Variants in HERC1 observed in about 807,000 individuals in gnomAD.
HERC1 encodes the protein probable E3 ubiquitin-protein ligase HERC1.
In HERC1, 160 loss-of-function variants were observed where a neutral mutation model predicts 554.3. The ratio of observed to expected loss-of-function variants is 0.29; its 90% CI spans 0.25 to 0.33. The LOEUF (loss-of-function observed/expected upper bound fraction) is 0.33, where lower values mean the gene tolerates loss of function less well. HERC1 is among the 10% of genes least tolerant of loss of function. The pLI, the probability that HERC1 is intolerant of heterozygous loss-of-function variation, is 1.00. For synonymous variants in HERC1, 2,175 were observed against 2,131.7 expected (o/e 1.02, Z -0.56); for missense variants, 4,919 against 5,918.5 (o/e 0.83, Z 5.54).
intron 67 of HERC1, among the ~76,000 whole-genome samples, chr15:63,633,630 T>C (rs568070735): frequency 2.6e-5 from 4 of 152,292 alleles, no homozygotes; most frequent in African/African-American, 9.6e-5. Flanking sequence ...CAGAAGCTTA[T>C]CCTTGCAGAA....
chr15:63,658,495 T>G (rs1288302750), intron 48 of HERC1, 49 bp downstream of exon 48: 1 of 1,510,150 alleles, frequency 6.6e-7, no homozygotes, highest in African/African-American at 1.4e-5. Flanking sequence ...TTCCAGCTAA[T>G]GTACACTAGA....
chr15:63,730,957 G>A (rs2074265474), intron 14 of HERC1, among the ~76,000 whole-genome samples: 1 of 152,132 alleles, frequency 6.6e-6, no homozygotes, highest in Non-Finnish European at 1.5e-5. Context: ...CAAAGAAAGT[G>A]ACTGCTACTA....
At chr15:63,629,634 G>A (rs2068459497) in intron 69 of HERC1, among the ~76,000 whole-genome samples, 1 of 152,136 alleles carries the variant, frequency 6.6e-6, no homozygotes, top group Non-Finnish European at 1.5e-5. Context: ...ACTCCCAAAG[G>A]TGCCTTCAAC....
intron 1 of HERC1, among the ~76,000 whole-genome samples, chr15:63,790,979 T>A (rs1172590281): frequency 6.6e-6 from 1 of 152,192 alleles, no homozygotes; most frequent in Admixed American, 6.5e-5. Context: ...TTTACGAACA[T>A]CATTTTAACA....
Position 63,612,175 on chromosome 15 carries a change from G to T in HERC1, c.14400+76C>A. The T allele has an allele frequency of 7.5e-7, 1 of 1,327,738 alleles. No homozygotes were observed. Among genetic ancestry groups the T allele is most frequent in the Non-Finnish European group, 1.0e-6 (1 of 969,400 alleles). The allele number at this position is 1,327,738 out of a possible 1,614,324, so 82.2% of individuals were successfully genotyped here. ...TGCACTCCAGCCTGGGCCACAGAGTGAGACCCTGTCTCAACAAAAACAACA... is the reference window on the plus strand; with the variant it reads ...TGCACTCCAGCCTGGGCCACAGAGTTAGACCCTGTCTCAACAAAAACAACA... On this transcript the variant is annotated intron_variant, in intron 77 of 77. Transcript: ENST00000443617. This position sits in a 1 kb window ranked among gnomAD's most constrained non-coding sequence, Gnocchi z 5.0.
rs774786065 is a variant in HERC1 at position 63,625,971 on chromosome 15, C to T, written c.13275+14G>A. On this transcript the variant is annotated intron_variant, in intron 71 of 77. Transcript: ENST00000443617. ...CCAGTCTGTGCCTGGCTGCTTACCA[C>T]GCCAGTCTGTTACCTGGTTGTTGGG... 60 of 1,599,530 alleles carry T rather than the reference C, an allele frequency of 3.8e-5. No homozygotes were observed. The highest frequency in any genetic ancestry group is 1.7e-4 in the Admixed American group (10 of 57,694).
chr15:63,727,644 T>C lies in HERC1; in HGVS notation c.3346+3A>G. 2 of 1,604,808 alleles carry C rather than the reference T, an allele frequency of 1.2e-6. No individual in the cohort carries two copies. The highest frequency in any genetic ancestry group is 1.3e-5 in the African/African-American group (1 of 74,846). ...TATTTGCTCTTTTATTGTCTTTACT[T>C]ACCATGAAGAGGCCACTGTAACTCC... is the stretch of plus-strand genomic sequence containing the variant. On this transcript the variant is annotated splice_donor_region_variant and intron_variant, in intron 17 of 77. Transcript: ENST00000443617. The surrounding 1 kb of genome is among the most constrained non-coding windows in gnomAD (Gnocchi z 4.3).
At chr15:63,614,249 T>C (rs1388596546) in intron 76 of HERC1, among the ~76,000 whole-genome samples, 1 of 152,162 alleles carries the variant, frequency 6.6e-6, no homozygotes, top group African/African-American at 2.4e-5. Context: ...CTGGACACCA[T>C]CTTAGAGCCT....
chr15:63,750,441 C>T (rs1267770214), intron 8 of HERC1, among the ~76,000 whole-genome samples: 1 of 152,134 alleles, frequency 6.6e-6, no homozygotes, highest in Non-Finnish European at 1.5e-5. Context: ...AGGTGACTGA[C>T]TGACAATTTG....
intron 55 of HERC1, among the ~76,000 whole-genome samples, chr15:63,646,045 A>T (rs1188807634): frequency 6.6e-6 from 1 of 152,208 alleles, no homozygotes; most frequent in African/African-American, 2.4e-5. Flanking sequence ...GAAGAGACTT[A>T]AAAAAATGCA....
intron 23 of HERC1, 26 bp from the exon 24 acceptor site, chr15:63,712,921 G>GT (rs1212727236): frequency 6.3e-7 from 1 of 1,591,240 alleles, no homozygotes; most frequent in African/African-American, 1.4e-5. Flanking sequence ...AAAAAAAAAA[G>GT]TTTTTTGATT....
chr15:63,774,154 C>A (rs2076042360), intron 2 of HERC1, among the ~76,000 whole-genome samples: 1 of 152,124 alleles, frequency 6.6e-6, no homozygotes, highest in Non-Finnish European at 1.5e-5. Context: ...GTCTACCAGT[C>A]TCTATTCCCT....
intron 1 of HERC1, among the ~76,000 whole-genome samples, chr15:63,807,128 T>A (rs933275863): frequency 6.6e-6 from 1 of 152,214 alleles, no homozygotes; most frequent in African/African-American, 2.4e-5. Context: ...CCCTACTTTA[T>A]AAATTTGCAA....
chr15:63,612,343 C>T lies in HERC1; in HGVS notation c.14308G>A (p.Val4770Met), dbSNP rs2067638146. The T allele has an allele frequency of 6.2e-7, 1 of 1,613,930 alleles. No individual in the cohort carries two copies. The change falls in exon 77 of 78, where the codon GTG (valine) becomes ATG (methionine). Residue 4770 changes from valine to methionine, a missense_variant. Transcript: ENST00000443617. This position sits in a 1 kb window ranked among gnomAD's most constrained non-coding sequence, Gnocchi z 5.0. ...CCTGACACAAACCTCATGAAAAGCA[C>T]CCGCTCCTCATTGGAGAACTCTTCC... ...TLEEFSNEER[V>M]LFMRFVSGRS...
rs769887868 is a variant in HERC1 at position 63,729,659 on chromosome 15, C to T, written c.2869-10G>A. 4.3e-6 allele frequency: 7 copies of T among 1,612,850 alleles called. No individual in the cohort carries two copies. The stretch of plus-strand genomic sequence containing the variant: ...CTCCAAATGCTTGATCCTAAAATGA[C>T]ACACAAAGGAAGTTTATATTTGAAG... On this transcript the variant is annotated splice_polypyrimidine_tract_variant and intron_variant, in intron 14 of 77. Coordinates refer to ENST00000443617, the MANE Select transcript of HERC1 (RefSeq NM_003922.4).
intron 1 of HERC1, among the ~76,000 whole-genome samples, chr15:63,797,984 T>C (rs2076862944): frequency 1.3e-5 from 2 of 152,176 alleles, no homozygotes. Context: ...TATCACTCCC[T>C]GGAAAAATTA....
intron 1 of HERC1, among the ~76,000 whole-genome samples, chr15:63,795,065 C>CAAAAAAAAA (rs1177647525): frequency 2.5e-4 from 17 of 68,912 alleles, no homozygotes; most frequent in Non-Finnish European, 3.1e-4. Context: ...GACTCTGTCT[C>CAAAAAAAAA]AAAAAAAAAA....
chr15:63,612,606 CCCA>C lies in HERC1; in HGVS notation c.14095-53_14095-51del, dbSNP rs1566937498. On this transcript the variant is annotated intron_variant, in intron 76 of 77. Transcript: ENST00000443617. The surrounding 1 kb of genome is among the most constrained non-coding windows in gnomAD (Gnocchi z 5.0). Reference sequence around the variant, plus strand: ...TCAATGAGTGTGCGTGAACCTGGCACCCACCAAGGGCCCTGTGGGGCTAGGCGC... The same window carrying C: ...TCAATGAGTGTGCGTGAACCTGGCACCCAAGGGCCCTGTGGGGCTAGGCGC... 2 of 1,563,548 alleles carry C rather than the reference CCCA, an allele frequency of 1.3e-6. No individual in the cohort carries two copies. The highest frequency in any genetic ancestry group is 1.7e-6 in the Non-Finnish European group (2 of 1,149,856).
In HERC1 at chr15:63,633,930, T is replaced by C; in HGVS notation, c.12611A>G (p.Asp4204Gly). The stretch of plus-strand genomic sequence containing the variant: ...TCCAAAAGCCCACACCATGGAACCA[T>C]CTGCTGACACTGCCAAAGTGTGGTT... ...GLNHTLAVSA[D>G]GSMVWAFGDG... The change falls in exon 67 of 78, where the codon GAT becomes GGT. Residue 4204 changes from aspartate to glycine, a missense_variant. By Grantham distance (94) the Asp-to-Gly change is moderately conservative. Around this residue, in one of 11 missense-constraint regions of HERC1, gnomAD observed 410 missense variants for 467.0 expected, o/e 0.88. Coordinates refer to ENST00000443617, the MANE Select transcript of HERC1 (RefSeq NM_003922.4). 4 of 1,613,920 alleles carry C rather than the reference T, an allele frequency of 2.5e-6. No homozygotes were observed. In the East Asian group the frequency reaches 8.9e-5, roughly 36 times the overall value.
Sources: gnomAD v4.1 joint callset for allele counts (sites outside exome capture counted in the v4.1 genomes callset) on GRCh38, gnomAD v4.1.1 for gene constraint, gnomAD v4.1.1 regional missense constraint, Gnocchi (gnomAD v3.1) non-coding constraint, MANE v1.5 for transcripts, NCBI Gene and HGNC (gene_info 2026-07-23, HGNC 2026-07-21) for gene names.